WNK1: variants seen among roughly 807,000 people sequenced by gnomAD.
WNK1 encodes serine/threonine-protein kinase WNK1.
Under a neutral mutation model 222.8 loss-of-function variants are expected in WNK1, and 38 were observed. The ratio of observed to expected loss-of-function variants is 0.17; its 90% CI spans 0.13 to 0.22. WNK1 has a LOEUF of 0.22. Among genes scored for constraint, WNK1 ranks in the 10% least tolerant of loss-of-function variants. WNK1 has a pLI of 1.00. For synonymous variants in WNK1, 1,090 were observed against 1,092.9 expected (o/e 1.00, Z 0.05); for missense variants, 2,348 against 2,918.4 (o/e 0.80, Z 4.50).
In WNK1 at chr12:759,580, T is replaced by C. The variant is rs1220216727; in HGVS notation, c.759+5256T>C. Among the ~76,000 whole-genome samples the C allele has an allele frequency of 1.1e-4, 16 of 147,810 alleles. 2 individuals carry two copies. Among genetic ancestry groups the C allele is most frequent in the Admixed American group, 2.7e-4 (4 of 14,920 alleles). ...ACCTGACCTCGTGATCTGCCCGCCT[T>C]GGCCTCCCAAAGTCCTGGGATTACA... On this transcript the variant is annotated intron_variant, in intron 1 of 27. Coordinates refer to ENST00000315939, the MANE Select transcript of WNK1 (RefSeq NM_018979.4).
Position 889,228 on chromosome 12 carries a change from G to A in WNK1, c.5448+5G>A. On this transcript the variant is annotated splice_donor_5th_base_variant and intron_variant, in intron 21 of 27. Coordinates refer to ENST00000315939, the MANE Select transcript of WNK1 (RefSeq NM_018979.4). ...ACAGTGACTTCTGCGGTTGGTGTAA[G>A]TTTTGAAAATCTTGATAAAATCTCC... 6.2e-7 allele frequency: 1 copy of A among 1,613,044 alleles called. No individual in the cohort carries two copies. Among genetic ancestry groups the A allele is most frequent in the African/African-American group, 1.3e-5 (1 of 74,996 alleles).
At chr12:785,680 A>G (rs1401498785) in intron 1 of WNK1, among the ~76,000 whole-genome samples, 1 of 152,186 alleles carries the variant, frequency 6.6e-6, no homozygotes, top group Non-Finnish European at 1.5e-5. Context: ...TACAAGCGTG[A>G]GCCACCACAT....
intron 4 of WNK1, among the ~76,000 whole-genome samples, chr12:835,337 TA>T (rs1226101729): frequency 4.0e-5 from 6 of 151,712 alleles, no homozygotes; most frequent in Non-Finnish European, 8.8e-5. Context: ...AAGCCTGTCT[TA>T]AAAAAACAAC....
In WNK1 at chr12:885,417, C is replaced by T. The variant is rs1383472367; in HGVS notation, c.4613C>T (p.Thr1538Ile). The T allele has an allele frequency of 6.2e-7, 1 of 1,613,778 alleles. No individual in the cohort carries two copies. ...GATAAGACATCTCATAGCAGTACAACTGGATTGGCTTTCTCCCTCTCTGCA... is the reference window on the plus strand; with the variant it reads ...GATAAGACATCTCATAGCAGTACAATTGGATTGGCTTTCTCCCTCTCTGCA... Reference protein sequence around the residue: ...SLDKTSHSSTTGLAFSLSAPS... With the variant: ...SLDKTSHSSTIGLAFSLSAPS... The change falls in exon 19 of 28, where the codon ACT becomes ATT. Residue 1538 changes from threonine to isoleucine, a missense_variant. Physicochemically the swap from Thr to Ile is moderately conservative, Grantham distance 89. This residue lies in a region of WNK1 where 1,144 missense variants were observed against 1,273.6 expected (regional missense o/e 0.90). Coordinates refer to ENST00000315939, the MANE Select transcript of WNK1 (RefSeq NM_018979.4).
At chr12:803,377 T>C (rs1268911408) in intron 1 of WNK1, among the ~76,000 whole-genome samples, 1 of 152,242 alleles carries the variant, frequency 6.6e-6, no homozygotes, top group Non-Finnish European at 1.5e-5. Context: ...ATAAGTAATA[T>C]GTTGTAAAAC....
chr12:784,622 A>C (rs1241338681), intron 1 of WNK1, among the ~76,000 whole-genome samples: 2 of 152,194 alleles, frequency 1.3e-5, no homozygotes, highest in Admixed American at 6.5e-5. Context: ...CACAGTCAAG[A>C]TATTTATTAC....
intron 12 of WNK1, chr12:881,349 T>C: frequency 2.3e-6 from 1 of 443,518 alleles, no homozygotes; most frequent in Non-Finnish European, 4.2e-6. Flanking sequence ...ATTTTTGCCC[T>C]GCTAGGAGAA....
chr12:837,026 TAAAAG>T (rs1949239631), intron 4 of WNK1, among the ~76,000 whole-genome samples: 1 of 152,204 alleles, frequency 6.6e-6, no homozygotes, highest in Non-Finnish European at 1.5e-5. Context: ...TTCACAGTGT[TAAAAG>T]AAAAACTTCA....
chr12:870,993 T>A (rs1260486996), intron 8 of WNK1, among the ~76,000 whole-genome samples: 1 of 152,244 alleles, frequency 6.6e-6, no homozygotes, highest in Admixed American at 6.5e-5. Flanking sequence ...TCTAGCCAGC[T>A]AAAATTACAG....
At chr12:819,109 A>G (rs1267672696) in intron 2 of WNK1, among the ~76,000 whole-genome samples, 3 of 152,224 alleles carry the variant, frequency 2.0e-5, no homozygotes, top group Non-Finnish European at 4.4e-5. Context: ...ATAATGTGGA[A>G]CATCTTTTCA....
chr12:880,302 C>A (rs966449440), intron 11 of WNK1, among the ~76,000 whole-genome samples: 3 of 152,162 alleles, frequency 2.0e-5, no homozygotes, highest in Admixed American at 1.3e-4. Context: ...GTACACCTGG[C>A]AACTTTTACA....
intron 3 of WNK1, among the ~76,000 whole-genome samples, chr12:829,723 C>A (rs1243256751): frequency 6.6e-6 from 1 of 152,196 alleles, no homozygotes; most frequent in South Asian, 2.1e-4. Flanking sequence ...TTTATTTTGG[C>A]ATATTGTATA....
Position 910,485 on chromosome 12 carries a change from A to C in WNK1, c.*1693A>C, listed in dbSNP as rs908487265. On this transcript the variant is annotated 3_prime_UTR_variant, in exon 28 of 28. Coordinates refer to ENST00000315939, the MANE Select transcript of WNK1 (RefSeq NM_018979.4). ...TAACTGCAACCAATCAGTGTTATTC[A>C]GTGCTATGCCTCCTTGTAATGGGTA... The C allele has an allele frequency of 3.3e-5, 5 of 152,216 alleles. No individual in the cohort carries two copies. Among genetic ancestry groups the C allele is most frequent in the African/African-American group, 1.2e-4 (5 of 41,454 alleles). The allele number at this position is 152,216 out of a possible 1,614,324, so 9.4% of individuals were successfully genotyped here.
At chr12:878,446 C>T in intron 10 of WNK1, 85 bp downstream of exon 10, 1 of 1,440,238 alleles carries the variant, frequency 6.9e-7, no homozygotes, top group Non-Finnish European at 9.6e-7. Context: ...CTTGTCCTTT[C>T]ATGTGGATAG....
chr12:889,184 A>C lies in WNK1; in HGVS notation c.5409A>C (p.Thr1803=), dbSNP rs760294868. The C allele has an allele frequency of 6.2e-7, 1 of 1,614,128 alleles. No homozygotes were observed. Among genetic ancestry groups the C allele is most frequent in the Admixed American group, 1.7e-5 (1 of 60,026 alleles). ...LEDLDAQLRR[T]LSPEMITVTS... ...ATCTTGATGCTCAATTGAGAAGAAC[A>C]CTTAGTCCAGAGATGATCACAGTGA... Residue 1803 remains threonine (T), a synonymous_variant, in exon 21 of 28, where the codon ACA becomes ACC. Coordinates refer to ENST00000315939, the MANE Select transcript of WNK1 (RefSeq NM_018979.4).
At position 909,872 on chromosome 12, in the gene WNK1, G is replaced by C. The variant is rs531578842; in HGVS notation, c.*1080G>C. ...TCATTCAACAACTTTGTCTAGAGCAGGTGTAAGATGAGTAGGGTGGGAAGT... is the reference window on the plus strand; with the variant it reads ...TCATTCAACAACTTTGTCTAGAGCACGTGTAAGATGAGTAGGGTGGGAAGT... On this transcript the variant is annotated 3_prime_UTR_variant, in exon 28 of 28. Transcript: ENST00000315939. 3 of 152,212 alleles carry C rather than the reference G, an allele frequency of 2.0e-5. No homozygotes were observed. The highest frequency in any genetic ancestry group is 3.9e-4 in the East Asian group (2 of 5,194). 9.4% of individuals were successfully genotyped at this position (152,212 alleles called of 1,614,324 possible).
intron 19 of WNK1, 126 bp from the exon 20 acceptor site, chr12:887,094 TA>T: frequency 2.3e-6 from 2 of 880,316 alleles, no homozygotes; most frequent in Non-Finnish European, 3.7e-6. Flanking sequence ...ACCTCAGTGA[TA>T]AACATGTCTT....
intron 8 of WNK1, among the ~76,000 whole-genome samples, chr12:864,661 C>G (rs1416626698): frequency 2.0e-5 from 3 of 152,112 alleles, no homozygotes; most frequent in Non-Finnish European, 4.4e-5. Flanking sequence ...AGAGCTCTTG[C>G]AAAATAATCC....
At chr12:865,336 C>A in intron 8 of WNK1, 1 of 1,536,152 alleles carries the variant, frequency 6.5e-7, no homozygotes, top group Non-Finnish European at 8.7e-7. Context: ...CACCGACGCT[C>A]CAGCCTGCCT....
Sources: gnomAD v4.1 joint callset for allele counts (sites outside exome capture counted in the v4.1 genomes callset) on GRCh38, gnomAD v4.1.1 for gene constraint, gnomAD v4.1.1 regional missense constraint, MANE v1.5 for transcripts, NCBI Gene and HGNC (gene_info 2026-07-23, HGNC 2026-07-21) for gene names.